The following ZEB2 variants were observed in gnomAD, a reference collection of about 807,000 sequenced individuals.
ZEB2 encodes zinc finger E-box-binding homeobox 2.
Under a neutral mutation model 99.9 loss-of-function variants are expected in ZEB2, and 6 were observed. The ratio of observed to expected loss-of-function variants is 0.06; its 90% CI spans 0.03 to 0.12. ZEB2 has a LOEUF of 0.12. ZEB2 is among the 10% of genes least tolerant of loss of function. The pLI, the probability that ZEB2 is intolerant of heterozygous loss-of-function variation, is 1.00. For missense variants in ZEB2, 969 were observed against 1,502.8 expected (o/e 0.64, Z 5.87); for synonymous variants, 517 against 542.5 (o/e 0.95, Z 0.65).
chr2:144,422,201 T>A (rs1162074291), intron 4 of ZEB2, among the ~76,000 whole-genome samples: 1 of 152,190 alleles, frequency 6.6e-6, no homozygotes, highest in Non-Finnish European at 1.5e-5. Context: ...CATGGTAGCA[T>A]AACATGACCC....
intron 3 of ZEB2, chr2:144,427,817 G>A (rs1007589126): frequency 3.3e-5 from 5 of 152,122 alleles, no homozygotes; most frequent in Non-Finnish European, 5.9e-5. Context: ...CCAGAATGCT[G>A]GTTTATTTAC....
intron 3 of ZEB2, among the ~76,000 whole-genome samples, chr2:144,425,599 G>A (rs1308599547): frequency 1.3e-5 from 2 of 152,064 alleles, no homozygotes; most frequent in Non-Finnish European, 2.9e-5. Context: ...ATATAATGTT[G>A]AAGTTAAAAA....
At position 144,390,146 on chromosome 2, in the gene ZEB2, C is replaced by A. The variant is rs1357889219; in HGVS notation, c.3068-118G>T. The A allele has an allele frequency of 2.7e-5, 29 of 1,059,734 alleles. No individual in the cohort carries two copies. The South Asian group carries it at 3.5e-4, about 13-fold the overall frequency. 65.6% of individuals were successfully genotyped at this position (1,059,734 alleles called of 1,614,324 possible). On this transcript the variant is annotated intron_variant, in intron 9 of 9. Coordinates refer to ENST00000627532, the MANE Select transcript of ZEB2 (RefSeq NM_014795.4). ...GCGTGTGTACTTATGCCTGAAAGATCAACACACCCCGGTCTAATCGATGGA... is the reference window on the plus strand; with the variant it reads ...GCGTGTGTACTTATGCCTGAAAGATAAACACACCCCGGTCTAATCGATGGA...
chr2:144,389,677 T>G lies in ZEB2; in HGVS notation c.3419A>C (p.His1140Pro). Residue 1140 changes from histidine (H) to proline (P), a missense_variant, in exon 10 of 10, where the codon CAC becomes CCC. This residue lies in a region of ZEB2 where 121 missense variants were observed against 166.4 expected (regional missense o/e 0.73). Coordinates refer to ENST00000627532, the MANE Select transcript of ZEB2 (RefSeq NM_014795.4). The surrounding 1 kb of genome is among the most constrained non-coding windows in gnomAD (Gnocchi z 6.8). The stretch of plus-strand genomic sequence containing the variant: ...GTAGCCATCCTCGCCTTCTTTCTCG[T>G]GCTCCTTCTCGCTCTCGCCATCCCT... Reference protein sequence around the residue: ...MPRDGESEKEHEKEGEDGYGK... With the variant: ...MPRDGESEKEPEKEGEDGYGK... 2 of 1,614,142 alleles carry G rather than the reference T, an allele frequency of 1.2e-6. No homozygotes were observed. The highest frequency in any genetic ancestry group is 1.7e-6 in the Non-Finnish European group (2 of 1,180,022).
chr2:144,440,150 G>T (rs780454885), intron 2 of ZEB2, among the ~76,000 whole-genome samples: 3 of 152,136 alleles, frequency 2.0e-5, no homozygotes, highest in Non-Finnish European at 4.4e-5. Context: ...ACATGTTTGG[G>T]CTGTTCACCA....
chr2:144,474,253 C>A (rs1704400528), intron 2 of ZEB2, among the ~76,000 whole-genome samples: 1 of 152,180 alleles, frequency 6.6e-6, no homozygotes, highest in Non-Finnish European at 1.5e-5. Flanking sequence ...GAACTGTCCT[C>A]TTCTCCTGGC....
chr2:144,488,846 A>G (rs1434488960), intron 2 of ZEB2, among the ~76,000 whole-genome samples: 2 of 152,106 alleles, frequency 1.3e-5, no homozygotes, highest in African/African-American at 4.8e-5. Flanking sequence ...AGAGAAATGG[A>G]CTGGTTACTT....
chr2:144,517,525 GC>G, intron 1 of ZEB2, 106 bp from the exon 2 acceptor site: 1 of 738,344 alleles, frequency 1.4e-6, no homozygotes, highest in Non-Finnish European at 2.4e-6. Flanking sequence ...ACCCATCCGC[GC>G]CCCCCAACGC....
At chr2:144,391,686 A>C (rs1176134592) in intron 9 of ZEB2, among the ~76,000 whole-genome samples, 1 of 152,206 alleles carries the variant, frequency 6.6e-6, no homozygotes, top group Non-Finnish European at 1.5e-5. Context: ...GTCTCCCGGG[A>C]AACTTCATGT....
chr2:144,451,381 T>C (rs1704052758), intron 2 of ZEB2, among the ~76,000 whole-genome samples: 1 of 152,190 alleles, frequency 6.6e-6, no homozygotes, highest in African/African-American at 2.4e-5. Flanking sequence ...GAATTTGTGC[T>C]TAGGAAAATA....
chr2:144,496,100 T>G (rs543083348), intron 2 of ZEB2: 2 of 152,254 alleles, frequency 1.3e-5, no homozygotes, highest in Non-Finnish European at 2.9e-5. Flanking sequence ...TTAGCAGCTT[T>G]AGGACTTGCC....
intron 2 of ZEB2, among the ~76,000 whole-genome samples, chr2:144,473,298 A>T (rs936918900): frequency 3.9e-5 from 6 of 152,210 alleles, no homozygotes; most frequent in Non-Finnish European, 4.4e-5. Flanking sequence ...AAAACTAGGC[A>T]GATAGGGAAA....
chr2:144,502,432 C>A (rs182225449), intron 2 of ZEB2, among the ~76,000 whole-genome samples: 22 of 152,166 alleles, frequency 1.4e-4, no homozygotes, highest in Admixed American at 1.4e-3. Flanking sequence ...TCCCACCAAC[C>A]TTTCTATGGG....
In ZEB2 at chr2:144,404,920, T is replaced by C. The variant is rs747857030; in HGVS notation, c.508A>G (p.Ser170Gly). 1.9e-6 allele frequency: 3 copies of C among 1,614,250 alleles called. No individual in the cohort carries two copies. Among genetic ancestry groups the C allele is most frequent in the East Asian group, 2.2e-5 (1 of 44,892 alleles). ...AVSIEEYLQRSDTAIIYPEAP... is the reference protein window; with the variant it reads ...AVSIEEYLQRGDTAIIYPEAP... ...TCTGGGTAAATAATGGCTGTGTCAC[T>C]GCGCTGAAGGTACTCCTCGATGCTG... The change falls in exon 5 of 10, where the codon AGT (serine) becomes GGT (glycine). Residue 170 changes from serine (S) to glycine (G), a missense_variant. Physicochemically the swap from Ser to Gly is moderately conservative, Grantham distance 56. Transcript: ENST00000627532.
intron 4 of ZEB2, among the ~76,000 whole-genome samples, chr2:144,413,747 C>T (rs1014200467): frequency 1.1e-4 from 17 of 152,182 alleles, no homozygotes; most frequent in Non-Finnish European, 1.3e-4. Context: ...ATCTGATAAA[C>T]TGATTTTGTA....
intron 4 of ZEB2, among the ~76,000 whole-genome samples, chr2:144,412,332 A>AC (rs1703476441): frequency 6.6e-6 from 1 of 152,234 alleles, no homozygotes. Flanking sequence ...TTACTGTGTA[A>AC]CCTAAAAATT....
In ZEB2 at chr2:144,517,165, C is replaced by A. The variant is rs147462449; in HGVS notation, c.73+113G>T. On this transcript the variant is annotated intron_variant, in intron 2 of 9. Coordinates refer to ENST00000627532, the MANE Select transcript of ZEB2 (RefSeq NM_014795.4). ...CCGCGGAGGGAGGCTCGCCCTAGAG[C>A]CCTGGGCGCCGCCGCCGCCGCCGCC... 0.035 allele frequency: 49,528 copies of A among 1,408,492 alleles called. 1,086 individuals are homozygous for A. The highest frequency in any genetic ancestry group is 0.041 in the Non-Finnish European group (41,438 of 1,007,756). The allele number at this position is 1,408,492 out of a possible 1,614,324, so 87.2% of individuals were successfully genotyped here.
Position 144,389,615 on chromosome 2 carries a change from C to T in ZEB2, c.3481G>A (p.Glu1161Lys). The T allele has an allele frequency of 2.5e-6, 4 of 1,614,122 alleles. No individual in the cohort carries two copies. The highest frequency in any genetic ancestry group is 3.4e-6 in the Non-Finnish European group (4 of 1,180,036). Reference protein sequence around the residue: ...LGRQDGDEEFEEEEEESENKS... With the variant: ...LGRQDGDEEFKEEEEESENKS... Reference sequence around the variant, plus strand: ...TTTTCACTTTCTTCCTCTTCCTCCTCGAACTCCTCGTCGCCATCCTGTCTG... The same window carrying T: ...TTTTCACTTTCTTCCTCTTCCTCCTTGAACTCCTCGTCGCCATCCTGTCTG... The change falls in exon 10 of 10, where the codon GAG (glutamate) becomes AAG (lysine). Residue 1161 changes from glutamate (E) to lysine (K), a missense_variant. Around this residue, in one of 8 missense-constraint regions of ZEB2, gnomAD observed 121 missense variants for 166.4 expected, o/e 0.73. Coordinates refer to ENST00000627532, the MANE Select transcript of ZEB2 (RefSeq NM_014795.4). This position sits in a 1 kb window ranked among gnomAD's most constrained non-coding sequence, Gnocchi z 6.8.
chr2:144,420,748 A>G (rs568308279), intron 4 of ZEB2, among the ~76,000 whole-genome samples: 1 of 152,186 alleles, frequency 6.6e-6, no homozygotes, highest in East Asian at 1.9e-4. Flanking sequence ...GGAAGAAAGG[A>G]GCTGGGGGAT....
Sources: gnomAD v4.1 joint callset for allele counts (sites outside exome capture counted in the v4.1 genomes callset) on GRCh38, gnomAD v4.1.1 for gene constraint, gnomAD v4.1.1 regional missense constraint, Gnocchi (gnomAD v3.1) non-coding constraint, MANE v1.5 for transcripts, NCBI Gene and HGNC (gene_info 2026-07-23, HGNC 2026-07-21) for gene names.